Variants in TMTC2 observed in about 807,000 individuals in gnomAD.
The protein encoded by TMTC2 is transmembrane O-mannosyltransferase targeting cadherins 2.
Under a neutral mutation model 82.4 loss-of-function variants are expected in TMTC2, and 43 were observed. The observed-to-expected ratio is 0.52, with a 90% CI of 0.41 to 0.67. The LOEUF is 0.67. TMTC2 is among the 30% of genes least tolerant of loss of function. The pLI is 0.00. For synonymous variants in TMTC2, 408 were observed against 381.9 expected (o/e 1.07, Z -0.80); for missense variants, 919 against 1,012.4 (o/e 0.91, Z 1.25).
chr12:82,744,581 T>TAAAAAAAA (rs369793885), intron 1 of TMTC2, among the ~76,000 whole-genome samples: 102,203 of 114,900 alleles, frequency 0.89, 46,388 homozygotes, highest in South Asian at 0.97. Context: ...ACTCTGACTC[T>TAAAAAAAA]AAAAAAAAAA....
At chr12:82,833,631 A>G (rs1869870947) in intron 1 of TMTC2, among the ~76,000 whole-genome samples, 1 of 152,238 alleles carries the variant, frequency 6.6e-6, no homozygotes, top group Non-Finnish European at 1.5e-5. Context: ...AATCTGCCAA[A>G]TATACAGCTG....
chr12:82,798,152 T>TC (rs1164985927), intron 1 of TMTC2, among the ~76,000 whole-genome samples: 1 of 150,858 alleles, frequency 6.6e-6, no homozygotes, highest in Non-Finnish European at 1.5e-5. Flanking sequence ...AGACGGGGTT[T>TC]CACCGTGTTA....
At chr12:82,840,277 T>A (rs1870262209) in intron 1 of TMTC2, among the ~76,000 whole-genome samples, 1 of 152,240 alleles carries the variant, frequency 6.6e-6, no homozygotes, top group Admixed American at 6.5e-5. Context: ...GAGGAATGAT[T>A]TCAATCAAAA....
At chr12:83,071,086 G>A (rs1883093678) in intron 11 of TMTC2, among the ~76,000 whole-genome samples, 1 of 150,958 alleles carries the variant, frequency 6.6e-6, no homozygotes, top group African/African-American at 2.4e-5. Flanking sequence ...GTTGGATTCA[G>A]TTAGCTAGTA....
At chr12:82,935,451 T>G (rs570656023) in intron 4 of TMTC2, among the ~76,000 whole-genome samples, 57 of 152,190 alleles carry the variant, frequency 3.7e-4, no homozygotes, top group Non-Finnish European at 7.8e-4. Context: ...TTGATTTGTC[T>G]TTTCATGTAT....
At chr12:82,803,292 C>A (rs959872697) in intron 1 of TMTC2, among the ~76,000 whole-genome samples, 4 of 152,116 alleles carry the variant, frequency 2.6e-5, no homozygotes, top group African/African-American at 9.7e-5. Flanking sequence ...CAGTAGGTAG[C>A]TAGCCAGGCA....
At chr12:82,743,571 C>G (rs568736181) in intron 1 of TMTC2, among the ~76,000 whole-genome samples, 1 of 152,130 alleles carries the variant, frequency 6.6e-6, no homozygotes, top group South Asian at 2.1e-4. Flanking sequence ...TCCCACAACC[C>G]ACCTTCCCTT....
At chr12:82,839,757 G>C (rs549767865) in intron 1 of TMTC2, among the ~76,000 whole-genome samples, 14 of 152,278 alleles carry the variant, frequency 9.2e-5, no homozygotes, top group Admixed American at 3.9e-4. Flanking sequence ...TCATCCTTCT[G>C]ATGAGTCTGC....
intron 8 of TMTC2, among the ~76,000 whole-genome samples, chr12:83,000,033 A>T (rs1390114815): frequency 3.3e-5 from 5 of 152,222 alleles, no homozygotes; most frequent in African/African-American, 1.2e-4. Context: ...TCCTAGATAA[A>T]ATGAGGATAC....
chr12:82,899,524 A>AAT (rs993801466), intron 3 of TMTC2, among the ~76,000 whole-genome samples: 14 of 146,128 alleles, frequency 9.6e-5, no homozygotes, highest in Non-Finnish European at 1.9e-4. Flanking sequence ...TATATATAGG[A>AAT]ATATATATAT....
At chr12:82,711,671 CAGAT>C (rs1873625392) in intron 1 of TMTC2, among the ~76,000 whole-genome samples, 1 of 152,080 alleles carries the variant, frequency 6.6e-6, no homozygotes, top group South Asian at 2.1e-4. Flanking sequence ...AAAATGAAAA[CAGAT>C]GGACAATCTG....
At chr12:82,912,613 TG>T (rs996663949) in intron 3 of TMTC2, among the ~76,000 whole-genome samples, 3 of 152,168 alleles carry the variant, frequency 2.0e-5, no homozygotes, top group African/African-American at 7.2e-5. Flanking sequence ...CCAAAGATGA[TG>T]GCATCATGTT....
chr12:82,899,741 A>AATAT (rs950083072), intron 3 of TMTC2, among the ~76,000 whole-genome samples: 1 of 121,220 alleles, frequency 8.2e-6, no homozygotes, highest in Non-Finnish European at 1.6e-5. Context: ...ATATATGTGG[A>AATAT]ATATATATAT....
intron 8 of TMTC2, among the ~76,000 whole-genome samples, chr12:83,028,955 A>T (rs10506887): frequency 2.0e-5 from 3 of 151,972 alleles, no homozygotes; most frequent in Non-Finnish European, 4.4e-5. Context: ...TGATTTAACG[A>T]GGAGTTACTG....
chr12:83,109,197 T>C (rs1419736663), intron 11 of TMTC2, among the ~76,000 whole-genome samples: 1 of 152,198 alleles, frequency 6.6e-6, no homozygotes, highest in African/African-American at 2.4e-5. Context: ...AGGAAGCATG[T>C]TGGCATCTGC....
rs138314273 is a variant in TMTC2 at position 82,996,896 on chromosome 12, T to C, written c.2070+10850T>C. 4.2e-3 allele frequency among the ~76,000 whole-genome samples: 639 copies of C among 152,262 alleles called. 6 individuals are homozygous for C. Among genetic ancestry groups the C allele is most frequent in the African/African-American group, 0.015 (614 of 41,566 alleles). On this transcript the variant is annotated intron_variant, in intron 8 of 11. Coordinates refer to ENST00000321196, the MANE Select transcript of TMTC2 (RefSeq NM_152588.3). ...TGCTTGAATCAGAAATTTACTCACTTAAAGCAGAAAATTACTTGATCCGAA... is the reference window on the plus strand; with the variant it reads ...TGCTTGAATCAGAAATTTACTCACTCAAAGCAGAAAATTACTTGATCCGAA...
chr12:83,051,096 C>A, intron 10 of TMTC2, 78 bp downstream of exon 10: 3 of 938,568 alleles, frequency 3.2e-6, no homozygotes, highest in East Asian at 2.7e-5. Flanking sequence ...CCATCATACA[C>A]CTTATTCCAC....
At chr12:82,692,912 A>G (rs1230179290) in intron 1 of TMTC2, among the ~76,000 whole-genome samples, 1 of 152,194 alleles carries the variant, frequency 6.6e-6, no homozygotes, top group Admixed American at 6.5e-5. Flanking sequence ...TGCTGGTGTA[A>G]TTACATACAG....
chr12:82,997,109 A>G (rs899433884), intron 8 of TMTC2, among the ~76,000 whole-genome samples: 3 of 148,782 alleles, frequency 2.0e-5, no homozygotes, highest in South Asian at 2.2e-4. Flanking sequence ...CTCTGCTGAT[A>G]TGGAAGAGGA....
Sources: allele counts gnomAD v4.1 joint callset (sites outside exome capture counted in the v4.1 genomes callset), GRCh38; gene constraint gnomAD v4.1.1; transcripts MANE v1.5; gene names NCBI Gene and HGNC (gene_info 2026-07-23, HGNC 2026-07-21).